Variants in DGUOK observed in about 807,000 individuals in gnomAD.
DGUOK encodes the protein deoxyguanosine kinase, also known as deoxyguanosine kinase, mitochondrial.
In DGUOK, 30 loss-of-function variants were observed where a neutral mutation model predicts 36.6. The ratio of observed to expected loss-of-function variants is 0.82; its 90% CI spans 0.61 to 1.11. DGUOK has a LOEUF of 1.11. Among genes scored for constraint, DGUOK ranks in the 50% most tolerant of loss-of-function variants. The pLI, the probability that DGUOK is intolerant of heterozygous loss-of-function variation, is 0.00. For missense variants in DGUOK, 361 were observed against 336.4 expected (o/e 1.07, Z -0.57); for synonymous variants, 145 against 126.3 (o/e 1.15, Z -0.99).
chr2:73,949,356 G>A (rs1682552520), intron 3 of DGUOK, among the ~76,000 whole-genome samples: 2 of 152,152 alleles, frequency 1.3e-5, no homozygotes, highest in Admixed American at 1.3e-4. Flanking sequence ...ACTAGACTAT[G>A]GCTAAACCAT....
At chr2:73,944,457 A>G (rs1367549673) in intron 2 of DGUOK, among the ~76,000 whole-genome samples, 2 of 151,770 alleles carry the variant, frequency 1.3e-5, no homozygotes, top group Non-Finnish European at 2.9e-5. Flanking sequence ...TAAGAAAGTT[A>G]TTTTCTTATT....
In DGUOK at chr2:73,958,895, A is replaced by G. The variant is rs899251742; in HGVS notation, c.*159A>G. Reference sequence around the variant, plus strand: ...TTGTTAATTATTGTTAGACTTTGCCATTGTTTTCTTTTGTACCTGAAGCAT... The same window carrying G: ...TTGTTAATTATTGTTAGACTTTGCCGTTGTTTTCTTTTGTACCTGAAGCAT... On this transcript the variant is annotated 3_prime_UTR_variant, in exon 7 of 7. Coordinates refer to ENST00000264093, the MANE Select transcript of DGUOK (RefSeq NM_080916.3). The G allele has an allele frequency of 3.0e-6, 2 of 666,066 alleles. No homozygotes were observed. The highest frequency in any genetic ancestry group is 2.7e-5 in the Admixed American group (1 of 36,770). The allele number at this position is 666,066 out of a possible 1,614,324, so 41.3% of individuals were successfully genotyped here.
At chr2:73,940,118 T>A (rs1304862623) in intron 2 of DGUOK, among the ~76,000 whole-genome samples, 1 of 152,152 alleles carries the variant, frequency 6.6e-6, no homozygotes, top group Non-Finnish European at 1.5e-5. Flanking sequence ...GCCAGGCTGG[T>A]CTCAAACTCC....
intron 1 of DGUOK, among the ~76,000 whole-genome samples, chr2:73,934,221 C>T (rs1681279002): frequency 6.6e-6 from 1 of 152,082 alleles, no homozygotes; most frequent in East Asian, 1.9e-4. Context: ...AAAAAACATG[C>T]CTTAGAAAAA....
chr2:73,944,382 C>T (rs184778706), intron 2 of DGUOK, among the ~76,000 whole-genome samples: 59 of 152,352 alleles, frequency 3.9e-4, no homozygotes, highest in African/African-American at 1.2e-3. Flanking sequence ...ATTATACAGT[C>T]TGCTAGCTAC....
At position 73,957,237 on chromosome 2, in the gene DGUOK, C is replaced by G. The variant is rs375774789; in HGVS notation, c.704C>G (p.Thr235Arg). The G allele has an allele frequency of 6.2e-6, 10 of 1,612,460 alleles. No individual in the cohort carries two copies. Among genetic ancestry groups the G allele is most frequent in the Middle Eastern group, 1.7e-4 (1 of 6,058 alleles). Residue 235 changes from threonine to arginine, a missense_variant, in exon 5 of 7, where the codon ACG becomes AGG. By Grantham distance (71) the Thr-to-Arg change is moderately conservative. Coordinates refer to ENST00000264093, the MANE Select transcript of DGUOK (RefSeq NM_080916.3). ...QHEAWLIHKT[T>R]KLHFEALMNI... ...GAAGCCTGGCTTATTCACAAGACAA[C>G]GAAGTAAGTGGGGAGAAAAGAATGT...
intron 5 of DGUOK, 84 bp downstream of exon 5, chr2:73,957,324 C>G: frequency 1.0e-6 from 1 of 985,000 alleles, no homozygotes; most frequent in Non-Finnish European, 1.6e-6. Flanking sequence ...GCATGCAGCC[C>G]CCTGTAGGAA....
intron 2 of DGUOK, among the ~76,000 whole-genome samples, chr2:73,945,291 A>G (rs1682214775): frequency 6.6e-6 from 1 of 152,070 alleles, no homozygotes; most frequent in Admixed American, 6.5e-5. Context: ...TCCCTTCATC[A>G]CATGTTCTGC....
chr2:73,929,290 T>C (rs368142331), intron 1 of DGUOK, among the ~76,000 whole-genome samples: 2 of 152,314 alleles, frequency 1.3e-5, no homozygotes, highest in East Asian at 3.9e-4. Flanking sequence ...GTATATTTTT[T>C]GTAGAGACAG....
At chr2:73,936,423 TAGGTG>T (rs1186583897) in intron 1 of DGUOK, among the ~76,000 whole-genome samples, 2 of 152,156 alleles carry the variant, frequency 1.3e-5, no homozygotes, top group African/African-American at 4.8e-5. Flanking sequence ...ACACACAAGT[TAGGTG>T]GAGGTGGGGA....
Position 73,926,924 on chromosome 2 carries a change from G to C in DGUOK, c.14G>C (p.Arg5Pro). 1 of 1,613,398 alleles carries C rather than the reference G, an allele frequency of 6.2e-7. No individual in the cohort carries two copies. The highest frequency in any genetic ancestry group is 8.5e-7 in the Non-Finnish European group (1 of 1,180,012). The change falls in exon 1 of 7, where the codon CGC (arginine) becomes CCC (proline). Residue 5 changes from arginine (R) to proline (P), a missense_variant. Physicochemically the swap from Arg to Pro is moderately radical, Grantham distance 103. Coordinates refer to ENST00000264093, the MANE Select transcript of DGUOK (RefSeq NM_080916.3). Reference sequence around the variant, plus strand: ...ATCGTGGGTGGGATGGCCGCGGGCCGCCTCTTTCTAAGTCGGCTTCGAGCA... The same window carrying C: ...ATCGTGGGTGGGATGGCCGCGGGCCCCCTCTTTCTAAGTCGGCTTCGAGCA... MAAG[R>P]LFLSRLRAPF...
intron 2 of DGUOK, among the ~76,000 whole-genome samples, chr2:73,940,516 G>T (rs934363145): frequency 2.0e-5 from 3 of 152,206 alleles, no homozygotes; most frequent in Non-Finnish European, 2.9e-5. Flanking sequence ...GTGCCTGTGT[G>T]TGTATTTGTG....
At chr2:73,940,560 A>G (rs973380919) in intron 2 of DGUOK, among the ~76,000 whole-genome samples, 14 of 152,222 alleles carry the variant, frequency 9.2e-5, no homozygotes, top group African/African-American at 3.4e-4. Flanking sequence ...TAAATTACAT[A>G]TCTTTTTCTG....
In DGUOK at chr2:73,938,900, T is replaced by G; in HGVS notation, c.143-10T>G. 6.3e-7 allele frequency: 1 copy of G among 1,591,868 alleles called. No individual in the cohort carries two copies. The highest frequency in any genetic ancestry group is 2.2e-5 in the East Asian group (1 of 44,706). On this transcript the variant is annotated splice_polypyrimidine_tract_variant and intron_variant, in intron 1 of 6. Coordinates refer to ENST00000264093, the MANE Select transcript of DGUOK (RefSeq NM_080916.3). ...GGGAAGCATCCCAATACATGCTATTTGCATTGCAGCTGTGGGAAAGTCCAC... is the reference window on the plus strand; with the variant it reads ...GGGAAGCATCCCAATACATGCTATTGGCATTGCAGCTGTGGGAAAGTCCAC...
chr2:73,927,157 C>CT, intron 1 of DGUOK, 105 bp downstream of exon 1: 1 of 1,506,866 alleles, frequency 6.6e-7, no homozygotes, highest in Non-Finnish European at 9.0e-7. Context: ...TGCGGCCGGC[C>CT]TCTTTTTCTG....
At chr2:73,950,988 G>A (rs1238391156) in intron 4 of DGUOK, among the ~76,000 whole-genome samples, 1 of 152,136 alleles carries the variant, frequency 6.6e-6, no homozygotes, top group Non-Finnish European at 1.5e-5. Flanking sequence ...CAAATCGAGT[G>A]TCATCTTTAT....
chr2:73,957,607 A>G (rs577986167), intron 5 of DGUOK, among the ~76,000 whole-genome samples: 2 of 152,244 alleles, frequency 1.3e-5, no homozygotes, highest in African/African-American at 4.8e-5. Context: ...CTGGGAGGCA[A>G]AGATTGCGGT....
At chr2:73,935,516 G>C (rs1241401399) in intron 1 of DGUOK, among the ~76,000 whole-genome samples, 1 of 152,194 alleles carries the variant, frequency 6.6e-6, no homozygotes, top group African/African-American at 2.4e-5. Context: ...TCACAGCACT[G>C]AGAAAGTTAT....
chr2:73,939,883 C>A (rs998914879), intron 2 of DGUOK, among the ~76,000 whole-genome samples: 1 of 149,842 alleles, frequency 6.7e-6, no homozygotes, highest in African/African-American at 2.5e-5. Context: ...TTTTCCTGTT[C>A]TTTCTCCCCC....
Sources: gnomAD v4.1 joint callset for allele counts (sites outside exome capture counted in the v4.1 genomes callset) on GRCh38, gnomAD v4.1.1 for gene constraint, MANE v1.5 for transcripts, NCBI Gene and HGNC (gene_info 2026-07-23, HGNC 2026-07-21) for gene names.